ZNF808: variants seen among roughly 807,000 people sequenced by gnomAD.
The protein encoded by ZNF808 is zinc finger protein 808.
Under a neutral mutation model 8.7 loss-of-function variants are expected in ZNF808, and 5 were observed. The ratio of observed to expected loss-of-function variants is 0.58; its 90% CI spans 0.30 to 1.21. The LOEUF (loss-of-function observed/expected upper bound fraction) is 1.21. Among genes scored for constraint, ZNF808 ranks in the 50% most tolerant of loss-of-function variants. ZNF808 has a pLI of 0.07. For synonymous variants in ZNF808, 380 were observed against 366.0 expected (o/e 1.04, Z -0.44); for missense variants, 1,103 against 1,098.4 (o/e 1.00, Z -0.06).
Position 52,554,049 on chromosome 19 carries a change from A to C in ZNF808, c.1133A>C (p.Lys378Thr), listed in dbSNP as rs1433544987. ...VKPYKCKICE[K>T]AFACHSYLAN... ...CCTTACAAATGTAAGATTTGTGAGA[A>C]GGCTTTTGCGTGTCATTCCTATCTG... Residue 378 changes from lysine (K) to threonine (T), a missense_variant, in exon 5 of 5, where the codon AAG becomes ACG. Coordinates refer to ENST00000359798, the MANE Select transcript of ZNF808 (RefSeq NM_001039886.4). The C allele has an allele frequency of 1.2e-6, 2 of 1,614,042 alleles. No homozygotes were observed. Among genetic ancestry groups the C allele is most frequent in the African/African-American group, 2.7e-5 (2 of 74,930 alleles).
rs1345653234 is a variant in ZNF808, at chr19:52,555,073, G to T, written c.2157G>T (p.Arg719Ser). The T allele has an allele frequency of 6.2e-7, 1 of 1,613,792 alleles. No homozygotes were observed. Among genetic ancestry groups the T allele is most frequent in the Non-Finnish European group, 8.5e-7 (1 of 1,180,010 alleles). Residue 719 changes from arginine (R) to serine (S), a missense_variant, in exon 5 of 5, where the codon AGG (arginine) becomes AGT (serine). Physicochemically the swap from Arg to Ser is moderately radical, Grantham distance 110. Transcript: ENST00000359798. ...CNECSKTFSN[R>S]SSLVCHRRIH... ...AGTGCAGCAAGACCTTCAGTAACAGGTCATCCCTTGTATGCCATCGTAGAA... is the reference window on the plus strand; with the variant it reads ...AGTGCAGCAAGACCTTCAGTAACAGTTCATCCCTTGTATGCCATCGTAGAA...
downstream of ZNF808, among the ~76,000 whole-genome samples, chr19:52,567,647 C>G (rs2059876245): frequency 6.6e-6 from 1 of 151,616 alleles, no homozygotes; most frequent in Non-Finnish European, 1.5e-5. Flanking sequence ...GCCTCAGCCT[C>G]CGGAGTAGCT....
chr19:52,555,627 A>G lies in ZNF808; in HGVS notation c.2711A>G (p.Ter904=), dbSNP rs374514362. 1 of 1,591,508 alleles carries G rather than the reference A, an allele frequency of 6.3e-7. No homozygotes were observed. Among genetic ancestry groups the G allele is most frequent in the Non-Finnish European group, 8.5e-7 (1 of 1,170,216 alleles). ...QAIHGIGKFD[*] is the part of the protein sequence containing the mutation. ...ATTCATGGTATAGGGAAATTTGATTAATATAATGATTGTCACAAAGTCTTC... is the reference window on the plus strand; with the variant it reads ...ATTCATGGTATAGGGAAATTTGATTGATATAATGATTGTCACAAAGTCTTC... Residue 904 remains the stop codon, a stop_retained_variant, in exon 5 of 5, where the codon TAA becomes TGA. Transcript: ENST00000359798.
chr19:52,543,186 A>G (rs1209374735), intron 2 of ZNF808, 80 bp from the exon 3 acceptor site: 32 of 1,456,470 alleles, frequency 2.2e-5, no homozygotes, highest in Admixed American at 9.3e-5. Context: ...ACAGGGTGAC[A>G]TCTCCCGGTT....
intron 3 of ZNF808, among the ~76,000 whole-genome samples, chr19:52,546,352 T>A (rs1438969221): frequency 6.6e-6 from 1 of 151,920 alleles, no homozygotes; most frequent in African/African-American, 2.4e-5. Flanking sequence ...CACACCCAGC[T>A]AATTTTTGTG....
rs1377258295 is a variant in ZNF808 at position 52,553,986 on chromosome 19, A to G, written c.1070A>G (p.His357Arg). The stretch of plus-strand genomic sequence containing the variant: ...GGCAAGGCTTTTAATCAACAATCAC[A>G]CCTTTCACGCCATCAAAGACTTCAT... ...ECGKAFNQQS[H>R]LSRHQRLHTG... The change falls in exon 5 of 5, where the codon CAC becomes CGC. Residue 357 changes from histidine to arginine, a missense_variant. His to Arg is a conservative substitution (Grantham distance 29, BLOSUM62 0). Transcript: ENST00000359798. 2.5e-6 allele frequency: 4 copies of G among 1,614,078 alleles called. No individual in the cohort carries two copies. Among genetic ancestry groups the G allele is most frequent in the East Asian group, 2.2e-5 (1 of 44,872 alleles).
intron 3 of ZNF808, among the ~76,000 whole-genome samples, chr19:52,545,412 A>C (rs557278472): frequency 3.9e-5 from 6 of 152,290 alleles, no homozygotes; most frequent in African/African-American, 1.4e-4. Context: ...ATTTGCAATA[A>C]GTTTTATTTT....
At chr19:52,531,585 C>T (rs1252371203) in intron 1 of ZNF808, among the ~76,000 whole-genome samples, 2 of 152,196 alleles carry the variant, frequency 1.3e-5, no homozygotes, top group African/African-American at 2.4e-5. Context: ...TCTGCAGGAA[C>T]ATCCTATTGG....
At position 52,553,476 on chromosome 19, in the gene ZNF808, C is replaced by T. The variant is rs2059798556; in HGVS notation, c.560C>T (p.Ala187Val). 6.2e-7 allele frequency: 1 copy of T among 1,614,066 alleles called. No homozygotes were observed. The highest frequency in any genetic ancestry group is 8.5e-7 in the Non-Finnish European group (1 of 1,180,034). Residue 187 changes from alanine to valine, a missense_variant, in exon 5 of 5, where the codon GCT (alanine) becomes GTT (valine). Ala to Val is a moderately conservative substitution (Grantham distance 64, BLOSUM62 0). Coordinates refer to ENST00000359798, the MANE Select transcript of ZNF808 (RefSeq NM_001039886.4). ...CAACTTGAGAAGTCTACCAGTGATG[C>T]TTCCTCAGTTTCAACATCCCAAAGA... ...ANQLEKSTSD[A>V]SSVSTSQRIS...
chr19:52,549,400 AC>A (rs1295721109), intron 4 of ZNF808, among the ~76,000 whole-genome samples: 1 of 152,154 alleles, frequency 6.6e-6, no homozygotes, highest in Non-Finnish European at 1.5e-5. Flanking sequence ...TCTGGTATCT[AC>A]ACAGGGGATA....
chr19:52,558,462 C>G (rs2059846216), downstream of ZNF808, among the ~76,000 whole-genome samples: 1 of 150,978 alleles, frequency 6.6e-6, no homozygotes. Context: ...ACTTCCACCT[C>G]CCAGGTTCAA....
downstream of ZNF808, among the ~76,000 whole-genome samples, chr19:52,561,158 TTCTCTCTCTCTC>T (rs1191860993): frequency 4.8e-3 from 254 of 52,478 alleles, 3 homozygotes; most frequent in East Asian, 0.017. Flanking sequence ...CTTCTATCTG[TTCTCTCTCTCTC>T]TCTCTCTCTC....
chr19:52,553,025 T>C, intron 4 of ZNF808, 82 bp from the exon 5 acceptor site: 1 of 1,423,440 alleles, frequency 7.0e-7, no homozygotes, highest in South Asian at 1.8e-5. Context: ...ATAAGTATTG[T>C]TTTTTGTGTC....
chr19:52,552,838 A>C (rs573859633), intron 4 of ZNF808, among the ~76,000 whole-genome samples: 6 of 152,256 alleles, frequency 3.9e-5, no homozygotes, highest in African/African-American at 1.2e-4. Flanking sequence ...TCACAGTGGA[A>C]AAATACTCCT....
chr19:52,545,854 G>A (rs1332660052), intron 3 of ZNF808, among the ~76,000 whole-genome samples: 4 of 151,996 alleles, frequency 2.6e-5, no homozygotes, highest in African/African-American at 9.7e-5. Context: ...GACCTTGTAG[G>A]ATGCTCCGTG....
downstream of ZNF808, among the ~76,000 whole-genome samples, chr19:52,567,725 A>G (rs1183340815): frequency 3.3e-5 from 5 of 151,852 alleles, no homozygotes; most frequent in African/African-American, 9.7e-5. Flanking sequence ...GGGTTTCTCT[A>G]TATTGGTCAG....
chr19:52,566,783 C>G (rs146212050), downstream of ZNF808, among the ~76,000 whole-genome samples: 73 of 152,262 alleles, frequency 4.8e-4, no homozygotes, highest in Middle Eastern at 3.4e-3. Context: ...TCACGCATGA[C>G]TCATGGTCTT....
chr19:52,561,200 CTCTCTCTCTCTCTATATATA>C (rs1326750055), downstream of ZNF808, among the ~76,000 whole-genome samples: 229 of 47,140 alleles, frequency 4.9e-3, no homozygotes, highest in Middle Eastern at 0.014. Context: ...CTCTCTCTCT[CTCTCTCTCTCTCTATATATA>C]TATATATATA....
In ZNF808 at chr19:52,553,827, G is replaced by A; in HGVS notation, c.911G>A (p.Cys304Tyr). 4 of 1,614,102 alleles carry A rather than the reference G, an allele frequency of 2.5e-6. No individual in the cohort carries two copies. The highest frequency in any genetic ancestry group is 2.2e-5 in the East Asian group (1 of 44,858). Residue 304 changes from cysteine (C) to tyrosine (Y), a missense_variant, in exon 5 of 5, where the codon TGC (cysteine) becomes TAC (tyrosine). By Grantham distance (194) the Cys-to-Tyr change is radical. Transcript: ENST00000359798. ...KSFSYKSSLTCHHRLHTGVKP... is the reference protein window; with the variant it reads ...KSFSYKSSLTYHHRLHTGVKP... ...TTCAGTTACAAGTCATCCCTTACAT[G>A]CCATCATAGACTTCATACTGGAGTA...
Sources: gnomAD v4.1 joint callset for allele counts (sites outside exome capture counted in the v4.1 genomes callset) on GRCh38, gnomAD v4.1.1 for gene constraint, MANE v1.5 for transcripts, NCBI Gene and HGNC (gene_info 2026-07-23, HGNC 2026-07-21) for gene names.